The following NTRK2 variants were observed in gnomAD, a reference collection of about 807,000 sequenced individuals.
NTRK2 encodes BDNF/NT-3 growth factors receptor.
NTRK2 carries 13 observed loss-of-function variants against 94.5 expected under a neutral mutation model. That is an observed-to-expected ratio of 0.14 (90% confidence interval 0.09 to 0.22). The LOEUF (loss-of-function observed/expected upper bound fraction) is 0.22. NTRK2 is among the 10% of genes least tolerant of loss of function. The probability of loss-of-function intolerance (pLI) is 1.00; values close to 1 mark genes in which losing one functional copy is unlikely to be tolerated. For missense variants in NTRK2, 639 were observed against 1,071.2 expected, an observed-to-expected ratio of 0.60 and a Z score of 5.63; for synonymous variants, 372 against 407.4, an observed-to-expected ratio of 0.91 and a Z score of 1.05.
chr9:84,779,891 A>G (rs1181540815), intron 12 of NTRK2, among the ~76,000 whole-genome samples: 1 of 152,182 alleles, frequency 6.6e-6, no homozygotes, highest in Non-Finnish European at 1.5e-5. Flanking sequence ...TGATAAGAGT[A>G]AACAAATGGT....
intron 12 of NTRK2, among the ~76,000 whole-genome samples, chr9:84,836,952 TAA>T (rs2073910731): frequency 6.9e-6 from 1 of 144,030 alleles, no homozygotes; most frequent in Admixed American, 6.9e-5. Flanking sequence ...TAATATAATA[TAA>T]TATAATATAA....
chr9:84,702,513 C>T, intron 4 of NTRK2, 94 bp downstream of exon 4: 1 of 1,086,114 alleles, frequency 9.2e-7, no homozygotes, highest in African/African-American at 1.5e-5. Context: ...CTTGAAACCT[C>T]CCTTTTTAAA....
chr9:84,973,763 TC>T (rs1826469089), intron 17 of NTRK2, among the ~76,000 whole-genome samples: 1 of 152,168 alleles, frequency 6.6e-6, no homozygotes. Flanking sequence ...ATTTCTAAAG[TC>T]CTTTCAGCTC....
At chr9:84,964,338 T>C (rs578164438) in intron 17 of NTRK2, among the ~76,000 whole-genome samples, 2 of 152,368 alleles carry the variant, frequency 1.3e-5, no homozygotes, top group South Asian at 2.1e-4. Context: ...AAGATCCTCC[T>C]GTGTACTCTG....
At chr9:84,847,640 C>T (rs2074536315) in intron 12 of NTRK2, among the ~76,000 whole-genome samples, 1 of 152,294 alleles carries the variant, frequency 6.6e-6, no homozygotes, top group South Asian at 2.1e-4. Context: ...TCATAGACTT[C>T]GTTTTGATCA....
chr9:85,011,996 A>ATTTTATTTTATTTTAT (rs1277173207), intron 17 of NTRK2, among the ~76,000 whole-genome samples: 1 of 150,854 alleles, frequency 6.6e-6, no homozygotes, highest in East Asian at 1.9e-4. Flanking sequence ...ATTTTATTTT[A>ATTTTATTTTATTTTAT]TTTTACTTTT....
intron 13 of NTRK2, among the ~76,000 whole-genome samples, chr9:84,863,442 A>G (rs2075426023): frequency 6.6e-6 from 1 of 152,238 alleles, no homozygotes; most frequent in African/African-American, 2.4e-5. Flanking sequence ...TATGAATATT[A>G]TAATACATTT....
chr9:84,857,639 A>T (rs548878556), intron 12 of NTRK2, among the ~76,000 whole-genome samples: 1 of 152,322 alleles, frequency 6.6e-6, no homozygotes, highest in South Asian at 2.1e-4. Context: ...AGAAGATTGT[A>T]TTCTCTCCTA....
intron 2 of NTRK2, among the ~76,000 whole-genome samples, chr9:84,676,364 T>C (rs986473741): frequency 6.6e-6 from 1 of 152,206 alleles, no homozygotes; most frequent in African/African-American, 2.4e-5. Flanking sequence ...CAGAGTGTTA[T>C]GTGGAAATGT....
chr9:84,939,568 T>C (rs575702826), intron 15 of NTRK2, among the ~76,000 whole-genome samples: 1 of 152,108 alleles, frequency 6.6e-6, no homozygotes, highest in Non-Finnish European at 1.5e-5. Context: ...TTTTCCCAAG[T>C]AGAAATTTAA....
chr9:84,826,709 C>T (rs191800518), intron 12 of NTRK2, among the ~76,000 whole-genome samples: 6 of 152,186 alleles, frequency 3.9e-5, no homozygotes, highest in South Asian at 2.1e-4. Context: ...ATTTCCACCA[C>T]GTAGATTGTG....
At chr9:84,789,457 C>T (rs1415055458) in intron 12 of NTRK2, among the ~76,000 whole-genome samples, 1 of 152,162 alleles carries the variant, frequency 6.6e-6, no homozygotes, top group Non-Finnish European at 1.5e-5. Flanking sequence ...CAGCTGCCTA[C>T]CTGTCCACCA....
chr9:84,845,735 A>G (rs1005721789), intron 12 of NTRK2, among the ~76,000 whole-genome samples: 4 of 152,212 alleles, frequency 2.6e-5, no homozygotes, highest in African/African-American at 9.6e-5. Flanking sequence ...GCGAAAACAT[A>G]CAGAGTGATA....
At chr9:84,853,215 C>CTAT (rs1331798697) in intron 12 of NTRK2, among the ~76,000 whole-genome samples, 1 of 152,104 alleles carries the variant, frequency 6.6e-6, no homozygotes, top group Non-Finnish European at 1.5e-5. Context: ...AATGTTTAGT[C>CTAT]CTATAGACTT....
At chr9:84,709,963 G>C (rs1272326909) in intron 5 of NTRK2, among the ~76,000 whole-genome samples, 1 of 100,728 alleles carries the variant, frequency 9.9e-6, no homozygotes, top group Non-Finnish European at 2.0e-5. Flanking sequence ...AGCTTGCTCT[G>C]TGTGTGTGTG....
intron 12 of NTRK2, among the ~76,000 whole-genome samples, chr9:84,808,512 G>T (rs977552283): frequency 6.6e-6 from 1 of 152,194 alleles, no homozygotes; most frequent in African/African-American, 2.4e-5. Flanking sequence ...TATTGTTTCA[G>T]TGGGAAAGAA....
intron 15 of NTRK2, among the ~76,000 whole-genome samples, chr9:84,937,569 C>T (rs1302928066): frequency 6.6e-6 from 1 of 152,266 alleles, no homozygotes; most frequent in East Asian, 1.9e-4. Context: ...AGAGTATTTG[C>T]TTGTTTGGAT....
At chr9:84,716,010 A>C (rs1004721201) in intron 6 of NTRK2, among the ~76,000 whole-genome samples, 5 of 152,208 alleles carry the variant, frequency 3.3e-5, no homozygotes, top group African/African-American at 1.2e-4. Context: ...TGGCAAATAC[A>C]TTTAAGAAAG....
intron 17 of NTRK2, among the ~76,000 whole-genome samples, chr9:84,974,146 C>T (rs1051316335): frequency 5.9e-5 from 9 of 152,160 alleles, no homozygotes; most frequent in Non-Finnish European, 1.2e-4. Flanking sequence ...GCTTTTTGTT[C>T]TGGATGTTTG....
Sources: gnomAD v4.1 joint callset for allele counts (sites outside exome capture counted in the v4.1 genomes callset) on GRCh38, gnomAD v4.1.1 for gene constraint, MANE v1.5 for transcripts, NCBI Gene and HGNC (gene_info 2026-07-23, HGNC 2026-07-21) for gene names.